The following ADAM17 variants were observed in gnomAD, a reference collection of about 807,000 sequenced individuals.
ADAM17 encodes disintegrin and metalloproteinase domain-containing protein 17.
In ADAM17, 39 loss-of-function variants were observed where a neutral mutation model predicts 96.7. The observed-to-expected ratio is 0.40, with a 90% confidence interval of 0.31 to 0.53. ADAM17 has a LOEUF of 0.53. Ranked by LOEUF, ADAM17 falls within the 20% of genes least tolerant of loss-of-function variation. The pLI is 0.44. For missense variants in ADAM17, 777 were observed against 1,013.2 expected (o/e 0.77, Z 3.17); for synonymous variants, 344 against 359.2 (o/e 0.96, Z 0.48).
intron 10 of ADAM17, 146 bp from the exon 11 acceptor site, chr2:9,510,277 AG>A: frequency 1.1e-6 from 1 of 928,412 alleles, no homozygotes; most frequent in South Asian, 1.7e-5. Flanking sequence ...CCAGCACTTT[AG>A]GAGGCTGAGA....
intron 4 of ADAM17, among the ~76,000 whole-genome samples, chr2:9,530,197 T>C (rs1414080649): frequency 6.6e-6 from 1 of 152,224 alleles, no homozygotes; most frequent in Non-Finnish European, 1.5e-5. Context: ...GAATCTTCCA[T>C]ATTTAGTAAA....
At chr2:9,523,995 C>T (rs893348878) in intron 6 of ADAM17, among the ~76,000 whole-genome samples, 2 of 151,696 alleles carry the variant, frequency 1.3e-5, no homozygotes, top group Admixed American at 6.6e-5. Context: ...TCACCTCAGC[C>T]TCCTGAGTAA....
rs201738148 is a variant in ADAM17 at position 9,510,126 on chromosome 2, A to G, written c.1197T>C (p.Ala399=). The G allele has an allele frequency of 1.9e-6, 3 of 1,614,090 alleles. No homozygotes were observed. Among genetic ancestry groups the G allele is most frequent in the East Asian group, 2.2e-5 (1 of 44,884 alleles). Residue 399 remains alanine (A), a synonymous_variant, in exon 11 of 19, where the codon GCT becomes GCC. Coordinates refer to ENST00000310823, the MANE Select transcript of ADAM17 (RefSeq NM_003183.6). The stretch of plus-strand genomic sequence containing the variant: ...CCAATTCATGAGTTGTAACCAGGTC[A>G]GCTTCCTTAAGGATCATGCAAAGAA... The part of the protein sequence containing the change: ...NYGKTILTKE[A]DLVTTHELGH...
Position 9,555,653 on chromosome 2 carries a change from G to A in ADAM17, c.-48C>T. 6 of 1,471,366 alleles carry A rather than the reference G, an allele frequency of 4.1e-6. No homozygotes were observed. Among genetic ancestry groups the A allele is most frequent in the Non-Finnish European group, 5.5e-6 (6 of 1,094,868 alleles). 91.1% of individuals were successfully genotyped at this position (1,471,366 alleles called of 1,614,324 possible). A position where few individuals can be genotyped will look rare whatever the true frequency, so the allele number is the denominator to read the frequency against. On this transcript the variant is annotated 5_prime_UTR_variant, in exon 1 of 19. Transcript: ENST00000310823. ...CCACCTCTCTGGGCAGCCTTCGCCT[G>A]ACGGGGTTTCGGAAAACTGCTCACA... is the stretch of plus-strand genomic sequence containing the variant.
At chr2:9,532,692 T>C (rs1448654579) in intron 4 of ADAM17, among the ~76,000 whole-genome samples, 2 of 149,670 alleles carry the variant, frequency 1.3e-5, no homozygotes, top group Non-Finnish European at 3.0e-5. Context: ...CTCCCTATAT[T>C]GCCTGGGCTG....
In ADAM17 at chr2:9,489,243, G is replaced by A. The variant is rs1273304308; in HGVS notation, c.*934C>T. ...CAATCTTTGTATTTTAAATATTCTA[G>A]GTTTGTAGATAGTGAATTTTTTTTT... On this transcript the variant is annotated 3_prime_UTR_variant, in exon 19 of 19. Coordinates refer to ENST00000310823, the MANE Select transcript of ADAM17 (RefSeq NM_003183.6). 1 of 143,360 alleles carries A rather than the reference G, an allele frequency of 7.0e-6. No homozygotes were observed. The highest frequency in any genetic ancestry group is 2.8e-5 in the African/African-American group (1 of 35,522). 8.9% of individuals were successfully genotyped at this position (143,360 alleles called of 1,614,324 possible). A position where few individuals can be genotyped will look rare whatever the true frequency, so the allele number is the denominator to read the frequency against.
chr2:9,509,310 C>T (rs1321130682), intron 11 of ADAM17, among the ~76,000 whole-genome samples: 1 of 152,236 alleles, frequency 6.6e-6, no homozygotes, highest in Admixed American at 6.5e-5. Flanking sequence ...TTTATTAACA[C>T]AACTTTTAGT....
At chr2:9,509,869 T>A in intron 11 of ADAM17, 110 bp downstream of exon 11, 1 of 1,392,324 alleles carries the variant, frequency 7.2e-7, no homozygotes, top group East Asian at 2.3e-5. Context: ...AATTTGCACA[T>A]CCATCCCTAG....
At chr2:9,546,028 G>T (rs1445227750) in intron 1 of ADAM17, among the ~76,000 whole-genome samples, 1 of 151,172 alleles carries the variant, frequency 6.6e-6, no homozygotes, top group Admixed American at 6.6e-5. Flanking sequence ...AGCCCAGGAG[G>T]TCAAGGCTGC....
At chr2:9,522,983 A>ATT (rs1301425440) in intron 7 of ADAM17, among the ~76,000 whole-genome samples, 1 of 152,202 alleles carries the variant, frequency 6.6e-6, no homozygotes, top group Non-Finnish European at 1.5e-5. Flanking sequence ...ACTACAGAGA[A>ATT]TATAAAGGCC....
intron 6 of ADAM17, among the ~76,000 whole-genome samples, chr2:9,524,183 T>C (rs1256395054): frequency 6.6e-6 from 1 of 152,174 alleles, no homozygotes; most frequent in African/African-American, 2.4e-5. Flanking sequence ...AGTAGACTAT[T>C]AGTAGTTAAA....
intron 12 of ADAM17, among the ~76,000 whole-genome samples, chr2:9,504,486 GC>G (rs1165483757): frequency 6.6e-6 from 1 of 150,672 alleles, no homozygotes; most frequent in Non-Finnish European, 1.5e-5. Flanking sequence ...AGATTATTTT[GC>G]CAGGCACGGT....
In ADAM17 at chr2:9,536,782, T is replaced by G. The variant is rs1409099994; in HGVS notation, c.277A>C (p.Asn93His). Reference protein sequence around the residue: ...LTSSTERFSQNFKVVVVDGKN... With the variant: ...LTSSTERFSQHFKVVVVDGKN... ...CCATCCACCACCACGACCTTGAAAT[T>G]TTGTGAAAAACGTTCAGTACTTGAT... is the stretch of plus-strand genomic sequence containing the variant. The change falls in exon 3 of 19, where the codon AAT (asparagine) becomes CAT (histidine). Residue 93 changes from asparagine (N) to histidine (H), a missense_variant. Physicochemically the swap from Asn to His is moderately conservative, Grantham distance 68. Transcript: ENST00000310823. 6.2e-7 allele frequency: 1 copy of G among 1,614,094 alleles called. No individual in the cohort carries two copies. Among genetic ancestry groups the G allele is most frequent in the Admixed American group, 1.7e-5 (1 of 60,008 alleles).
rs1344961902 is a variant in ADAM17 at position 9,494,713 on chromosome 2, G to A, written c.1838C>T (p.Pro613Leu). 1 of 1,614,014 alleles carries A rather than the reference G, an allele frequency of 6.2e-7. No individual in the cohort carries two copies. The highest frequency in any genetic ancestry group is 1.1e-5 in the South Asian group (1 of 91,074). ...CCRDLSGRCV[P>L]YVDAEQKNLF... ...GTTCTTTTGTTCAGCATCGACATAG[G>A]GCACACAGCGGCCAGAAAGGTCCCT... is the stretch of plus-strand genomic sequence containing the variant. The change falls in exon 15 of 19, where the codon CCC becomes CTC. Residue 613 changes from proline (P) to leucine (L), a missense_variant. Pro to Leu is a moderately conservative substitution (Grantham distance 98). This residue lies in a region of ADAM17 where 446 missense variants were observed against 664.7 expected (regional missense o/e 0.67). Coordinates refer to ENST00000310823, the MANE Select transcript of ADAM17 (RefSeq NM_003183.6).
At chr2:9,547,223 T>C (rs1665430485) in intron 1 of ADAM17, among the ~76,000 whole-genome samples, 1 of 152,228 alleles carries the variant, frequency 6.6e-6, no homozygotes, top group Non-Finnish European at 1.5e-5. Context: ...ATTCTACACT[T>C]ATTTTTTCTC....
Position 9,491,126 on chromosome 2 carries a change from T to C in ADAM17, c.2108A>G (p.Glu703Gly). ...ACTGGGGTGAAACAGAGACAGAGAT[T>C]CATACTGTTTATCCAATTTCTTATC... is the stretch of plus-strand genomic sequence containing the variant. Reference protein sequence around the residue: ...CVDKKLDKQYESLSLFHPSNV... With the variant: ...CVDKKLDKQYGSLSLFHPSNV... The change falls in exon 18 of 19, where the codon GAA (glutamate) becomes GGA (glycine). Residue 703 changes from glutamate (E) to glycine (G), a missense_variant. Coordinates refer to ENST00000310823, the MANE Select transcript of ADAM17 (RefSeq NM_003183.6). The C allele has an allele frequency of 1.2e-6, 2 of 1,613,270 alleles. No homozygotes were observed. Among genetic ancestry groups the C allele is most frequent in the Non-Finnish European group, 1.7e-6 (2 of 1,179,364 alleles).
Position 9,490,161 on chromosome 2 carries a change from A to C in ADAM17, c.*16T>G. 3.2e-6 allele frequency: 5 copies of C among 1,575,540 alleles called. No homozygotes were observed. The highest frequency in any genetic ancestry group is 4.3e-6 in the Non-Finnish European group (5 of 1,152,754). On this transcript the variant is annotated 3_prime_UTR_variant, in exon 19 of 19. Transcript: ENST00000310823. ...AAATATTTTGCACACTTAAGTCAGA[A>C]GAGCTGAGAACTAAATTAGCACTCT...
chr2:9,506,895 A>G (rs1284793398), intron 11 of ADAM17: 1 of 152,172 alleles, frequency 6.6e-6, no homozygotes, highest in Non-Finnish European at 1.5e-5. Flanking sequence ...AAAAGGACCA[A>G]CCCGCAACTC....
In ADAM17 at chr2:9,518,224, C is replaced by G; in HGVS notation, c.981G>C (p.Glu327Asp). 6.6e-7 allele frequency: 1 copy of G among 1,511,002 alleles called. No individual in the cohort carries two copies. The highest frequency in any genetic ancestry group is 8.9e-7 in the Non-Finnish European group (1 of 1,129,100). The allele number at this position is 1,511,002 out of a possible 1,614,324, so 93.6% of individuals were successfully genotyped here. A position where few individuals can be genotyped will look rare whatever the true frequency, so the allele number is the denominator to read the frequency against. ...GTGCCAAGCAAACTTTAGATGCTTC[C>G]TCAGCTATATCAAAGCTAAATTGCT... ...LLEQFSFDIA[E>D]EASKVCLAHL... The change falls in exon 9 of 19, where the codon GAG becomes GAC. Residue 327 changes from glutamate (E) to aspartate (D), a missense_variant. Transcript: ENST00000310823.
Sources: gnomAD v4.1 joint callset for allele counts (sites outside exome capture counted in the v4.1 genomes callset) on GRCh38, gnomAD v4.1.1 for gene constraint, gnomAD v4.1.1 regional missense constraint, MANE v1.5 for transcripts, NCBI Gene and HGNC (gene_info 2026-07-23, HGNC 2026-07-21) for gene names.